The following PPIL4 variants were observed in gnomAD, a reference collection of about 807,000 sequenced individuals.
The protein encoded by PPIL4 is peptidyl-prolyl cis-trans isomerase-like 4.
PPIL4 carries 50 observed loss-of-function variants against 69.1 expected under a neutral mutation model. That is an observed-to-expected ratio of 0.72 (90% CI 0.58 to 0.92). PPIL4 has a LOEUF of 0.92. Among genes scored for constraint, PPIL4 ranks in the 40% least tolerant of loss-of-function variants. PPIL4 has a pLI of 0.00. For missense variants in PPIL4, 480 were observed against 587.9 expected, an observed-to-expected ratio of 0.82 and a Z score of 1.90; for synonymous variants, 193 against 191.6, an observed-to-expected ratio of 1.01 and a Z score of -0.06.
At chr6:149,530,717 G>T (rs899597295) in intron 7 of PPIL4, among the ~76,000 whole-genome samples, 2 of 151,992 alleles carry the variant, frequency 1.3e-5, no homozygotes, top group African/African-American at 2.4e-5. Flanking sequence ...TGGTAATTGT[G>T]GAAAAAGTGG....
chr6:149,513,412 A>AATATATATATATATAT (rs1200919281), intron 11 of PPIL4, among the ~76,000 whole-genome samples: 6 of 55,322 alleles, frequency 1.1e-4, no homozygotes, highest in African/African-American at 4.6e-4. Flanking sequence ...AAAAAAAAAA[A>AATATATATATATATAT]ATATATATAT....
intron 1 of PPIL4, among the ~76,000 whole-genome samples, chr6:149,544,836 C>A (rs1413798869): frequency 6.6e-6 from 1 of 152,160 alleles, no homozygotes; most frequent in Non-Finnish European, 1.5e-5. Context: ...AAGCGGAGCA[C>A]GGCAGGAGGT....
At chr6:149,531,692 C>G (rs758298355) in intron 7 of PPIL4, among the ~76,000 whole-genome samples, 1 of 151,886 alleles carries the variant, frequency 6.6e-6, no homozygotes, top group Non-Finnish European at 1.5e-5. Flanking sequence ...TTTTTTGAGA[C>G]GGAGTCTCGC....
intron 11 of PPIL4, among the ~76,000 whole-genome samples, chr6:149,515,263 AG>A (rs1213815886): frequency 6.6e-6 from 1 of 150,860 alleles, no homozygotes; most frequent in Non-Finnish European, 1.5e-5. Context: ...CTGGGATTAC[AG>A]GCATGAGCCA....
At chr6:149,510,577 A>G (rs1042895684) in intron 12 of PPIL4, among the ~76,000 whole-genome samples, 2 of 152,148 alleles carry the variant, frequency 1.3e-5, no homozygotes, top group African/African-American at 4.8e-5. Context: ...CTCCATCTCT[A>G]GTAAAAATAC....
At chr6:149,535,477 G>T in intron 5 of PPIL4, 119 bp downstream of exon 5, 1 of 562,420 alleles carries the variant, frequency 1.8e-6, no homozygotes, top group Non-Finnish European at 2.9e-6. Context: ...TTCACCTTTT[G>T]GGATTAGAAT....
At chr6:149,523,948 A>G (rs1777068331) in intron 9 of PPIL4, among the ~76,000 whole-genome samples, 1 of 152,182 alleles carries the variant, frequency 6.6e-6, no homozygotes, top group African/African-American at 2.4e-5. Flanking sequence ...GTGCCTACAT[A>G]TAACTTTATG....
chr6:149,526,619 C>G (rs772816904), intron 8 of PPIL4, 33 bp downstream of exon 8: 10 of 1,570,834 alleles, frequency 6.4e-6, no homozygotes, highest in Non-Finnish European at 8.7e-6. Context: ...CCTAGTTTTT[C>G]TAAATATCTC....
intron 7 of PPIL4, among the ~76,000 whole-genome samples, chr6:149,527,536 T>C (rs1031280102): frequency 1.7e-4 from 26 of 152,188 alleles, no homozygotes; most frequent in African/African-American, 6.3e-4. Flanking sequence ...TTTTAAAGGA[T>C]AAGAATTTAT....
At chr6:149,531,270 C>T (rs2115036463) in intron 7 of PPIL4, among the ~76,000 whole-genome samples, 1 of 149,044 alleles carries the variant, frequency 6.7e-6, no homozygotes, top group South Asian at 2.1e-4. Context: ...GAGCCTGAGG[C>T]AGAAGAATCG....
chr6:149,509,302 G>A (rs1776808413), intron 12 of PPIL4, among the ~76,000 whole-genome samples: 1 of 152,062 alleles, frequency 6.6e-6, no homozygotes, highest in Non-Finnish European at 1.5e-5. Flanking sequence ...AAGGTTTCAA[G>A]TAATCAAACA....
In PPIL4 at chr6:149,521,691, A is replaced by G. The variant is rs188649358; in HGVS notation, c.871-520T>C. Among the ~76,000 whole-genome samples, 248 of 152,370 alleles carry G rather than the reference A, an allele frequency of 1.6e-3. 4 individuals carry two copies. The highest frequency in any genetic ancestry group is 2.9e-4 in the Non-Finnish European group (20 of 68,034). On this transcript the variant is annotated intron_variant, in intron 9 of 12. Transcript: ENST00000253329. ...GTGACAGATTATGGAATGCTGACCC[A>G]GAAAGGTATTACATAATCACAGATG...
intron 1 of PPIL4, among the ~76,000 whole-genome samples, chr6:149,544,488 T>C (rs1390004272): frequency 6.6e-6 from 1 of 152,218 alleles, no homozygotes; most frequent in Admixed American, 6.5e-5. Flanking sequence ...TAGTTCCTGC[T>C]CTCATTGGAG....
intron 7 of PPIL4, among the ~76,000 whole-genome samples, chr6:149,527,785 C>G (rs1777129998): frequency 6.6e-6 from 1 of 152,192 alleles, no homozygotes; most frequent in Non-Finnish European, 1.5e-5. Context: ...TTTATACATA[C>G]ATTCAAACAC....
intron 8 of PPIL4, among the ~76,000 whole-genome samples, 172 bp downstream of exon 8, chr6:149,526,480 G>C (rs1399135703): frequency 6.6e-6 from 1 of 152,030 alleles, no homozygotes; most frequent in African/African-American, 2.4e-5. Flanking sequence ...ATGTATGTAT[G>C]TCTACACACA....
At chr6:149,532,336 T>C (rs1176010857) in intron 7 of PPIL4, among the ~76,000 whole-genome samples, 1 of 152,208 alleles carries the variant, frequency 6.6e-6, no homozygotes, top group Non-Finnish European at 1.5e-5. Flanking sequence ...TGGCATAAAC[T>C]TCCAAAGTGT....
chr6:149,545,635 A>G (rs1777428212), intron 1 of PPIL4, among the ~76,000 whole-genome samples: 1 of 152,192 alleles, frequency 6.6e-6, no homozygotes, highest in African/African-American at 2.4e-5. Flanking sequence ...TTGTATGTGC[A>G]GCTCGAATCA....
At chr6:149,534,486 G>A (rs1246884320) in intron 6 of PPIL4, among the ~76,000 whole-genome samples, 192 bp downstream of exon 6, 1 of 152,024 alleles carries the variant, frequency 6.6e-6, no homozygotes, top group East Asian at 1.9e-4. Context: ...ACTGAAGAAA[G>A]GAAATTAGAG....
At chr6:149,511,964 C>A (rs1776850328) in intron 12 of PPIL4, among the ~76,000 whole-genome samples, 191 bp downstream of exon 12, 2 of 152,190 alleles carry the variant, frequency 1.3e-5, no homozygotes. Flanking sequence ...CAAAAATGAT[C>A]TTTTATCATT....
Sources: gnomAD v4.1 joint callset for allele counts (sites outside exome capture counted in the v4.1 genomes callset) on GRCh38, gnomAD v4.1.1 for gene constraint, MANE v1.5 for transcripts, NCBI Gene and HGNC (gene_info 2026-07-23, HGNC 2026-07-21) for gene names.